The following MACROD2 variants were observed in gnomAD, a reference collection of about 807,000 sequenced individuals.
MACROD2 encodes ADP-ribose glycohydrolase MACROD2.
MACROD2 carries 36 observed loss-of-function variants against 70.4 expected under a neutral mutation model. The observed-to-expected ratio is 0.51, with a 90% CI of 0.39 to 0.68. The LOEUF is 0.68. Among genes scored for constraint, MACROD2 ranks in the 30% least tolerant of loss-of-function variants. MACROD2 has a pLI of 0.00. For synonymous variants in MACROD2, 172 were observed against 178.8 expected, an observed-to-expected ratio of 0.96 and a Z score of 0.30; for missense variants, 496 against 538.4, an observed-to-expected ratio of 0.92 and a Z score of 0.78.
At chr20:15,316,377 A>G (rs949758669) in intron 6 of MACROD2, among the ~76,000 whole-genome samples, 4 of 152,108 alleles carry the variant, frequency 2.6e-5, no homozygotes, top group Non-Finnish European at 5.9e-5. Flanking sequence ...AGTAGTAACC[A>G]AAAGAAAGCC....
At chr20:15,551,771 G>A (rs576741245) in intron 8 of MACROD2, among the ~76,000 whole-genome samples, 3 of 151,614 alleles carry the variant, frequency 2.0e-5, no homozygotes, top group Admixed American at 6.6e-5. Context: ...TGGAGGCTGA[G>A]GCAGGAGGAT....
In MACROD2 at chr20:14,084,417, ACATAT is replaced by A. The variant is rs140266166; in HGVS notation, c.164-1199_164-1195del. Among the ~76,000 whole-genome samples, 1,174 of 152,332 alleles carry A rather than the reference ACATAT, an allele frequency of 7.7e-3. 17 individuals are homozygous for A. Among genetic ancestry groups the A allele is most frequent in the African/African-American group, 0.026 (1,081 of 41,568 alleles). ...GTATCTCCTTGTATGAAAGATTTAC[ACATAT>A]CATACTTTAAAAAGTTTGAGTTTAA... is the stretch of plus-strand genomic sequence containing the variant. On this transcript the variant is annotated intron_variant, in intron 2 of 17. Transcript: ENST00000684519.
intron 3 of MACROD2, among the ~76,000 whole-genome samples, chr20:14,090,100 A>T (rs2054127410): frequency 6.6e-6 from 1 of 152,138 alleles, no homozygotes; most frequent in East Asian, 1.9e-4. Context: ...CCGAAAATTG[A>T]TATTGTTACA....
intron 3 of MACROD2, among the ~76,000 whole-genome samples, chr20:14,413,733 C>T (rs1170747685): frequency 1.3e-5 from 2 of 152,086 alleles, no homozygotes; most frequent in Admixed American, 1.3e-4. Context: ...AAAACAGGAT[C>T]TTTAGAGTTC....
chr20:15,523,834 A>C (rs2047683904), intron 8 of MACROD2, among the ~76,000 whole-genome samples: 1 of 152,112 alleles, frequency 6.6e-6, no homozygotes, highest in Non-Finnish European at 1.5e-5. Context: ...AATAATGGTA[A>C]CTATCATGTT....
intron 5 of MACROD2, among the ~76,000 whole-genome samples, chr20:14,939,809 G>C (rs535944998): frequency 5.1e-4 from 77 of 151,660 alleles, no homozygotes; most frequent in Non-Finnish European, 8.5e-4. Flanking sequence ...TCTTTGTATA[G>C]ATCTTTCACT....
chr20:15,486,823 T>G (rs1238044560), intron 7 of MACROD2, among the ~76,000 whole-genome samples: 1 of 152,194 alleles, frequency 6.6e-6, no homozygotes, highest in East Asian at 1.9e-4. Flanking sequence ...CCAGCAGCAT[T>G]AGTTCTCACT....
intron 5 of MACROD2, among the ~76,000 whole-genome samples, chr20:15,008,817 C>A (rs966023996): frequency 6.6e-6 from 1 of 152,018 alleles, no homozygotes; most frequent in Non-Finnish European, 1.5e-5. Context: ...AAAGAAGTAC[C>A]TATTACTTTT....
intron 6 of MACROD2, among the ~76,000 whole-genome samples, chr20:15,425,098 G>T (rs1412144984): frequency 2.0e-5 from 3 of 152,226 alleles, no homozygotes; most frequent in Non-Finnish European, 4.4e-5. Flanking sequence ...AGAGCCAACA[G>T]TGGGTCAGTC....
rs139991575 is a variant in MACROD2, at chr20:14,541,598, T to TCACACACACA, written c.301+48100_301+48109dup. On this transcript the variant is annotated intron_variant, in intron 4 of 17. Transcript: ENST00000684519. Reference sequence around the variant, plus strand: ...CTAGCACATGTACACACAGCACACATCACACACACACACACACACTATATA... The same window carrying TCACACACACA: ...CTAGCACATGTACACACAGCACACATCACACACACACACACACACACACACACACTATATA... Among the ~76,000 whole-genome samples the TCACACACACA allele has an allele frequency of 8.8e-3, 1,317 of 150,352 alleles. 16 individuals carry two copies. Among genetic ancestry groups the TCACACACACA allele is most frequent in the Middle Eastern group, 0.052 (15 of 290 alleles).
At chr20:15,176,511 C>T (rs894620496) in intron 5 of MACROD2, among the ~76,000 whole-genome samples, 6 of 152,156 alleles carry the variant, frequency 3.9e-5, no homozygotes, top group Non-Finnish European at 7.4e-5. Context: ...GGACTACCAG[C>T]TGCAGGAAGG....
chr20:15,106,057 T>C (rs1473286249), intron 5 of MACROD2, among the ~76,000 whole-genome samples: 3 of 152,178 alleles, frequency 2.0e-5, no homozygotes, highest in Non-Finnish European at 4.4e-5. Flanking sequence ...ATTAAAATTA[T>C]AACACTGCTT....
At chr20:14,388,338 G>T (rs2083490171) in intron 3 of MACROD2, among the ~76,000 whole-genome samples, 1 of 151,906 alleles carries the variant, frequency 6.6e-6, no homozygotes, top group Admixed American at 6.6e-5. Context: ...TATTAATTTG[G>T]AATTTTAAGT....
intron 5 of MACROD2, among the ~76,000 whole-genome samples, chr20:14,913,712 C>T (rs897922463): frequency 3.9e-5 from 6 of 152,068 alleles, no homozygotes; most frequent in African/African-American, 1.4e-4. Flanking sequence ...TAAAAAAATT[C>T]CAAATTCCAT....
chr20:14,335,010 A>T (rs1310178391), intron 3 of MACROD2, among the ~76,000 whole-genome samples: 2 of 152,206 alleles, frequency 1.3e-5, no homozygotes, highest in Admixed American at 6.5e-5. Flanking sequence ...TGGTATGAAC[A>T]TTGGCATATC....
At chr20:14,325,988 A>G in intron 3 of MACROD2, 1 of 1,613,896 alleles carries the variant, frequency 6.2e-7, no homozygotes, top group Non-Finnish European at 8.5e-7. Context: ...GTAGGGTTGT[A>G]CATTCGAAGG....
rs116513788 is a variant in MACROD2 at position 14,913,632 on chromosome 20, T to C, written c.418+228673T>C. On this transcript the variant is annotated intron_variant, in intron 5 of 17. Transcript: ENST00000684519. ...ACCCCAGGAGTTTGAGGCTGTAGTG[T>C]GCTATGATCACATCACTGCATTCTT... 8.0e-3 allele frequency among the ~76,000 whole-genome samples: 1,220 copies of C among 152,212 alleles called. 16 individuals carry two copies. Among genetic ancestry groups the C allele is most frequent in the African/African-American group, 0.028 (1,149 of 41,532 alleles).
At chr20:14,043,990 A>C (rs1363778643) in intron 2 of MACROD2, among the ~76,000 whole-genome samples, 1 of 152,214 alleles carries the variant, frequency 6.6e-6, no homozygotes, top group Non-Finnish European at 1.5e-5. Context: ...CTAGAAAATT[A>C]AATTTACTTT....
chr20:14,846,936 A>G (rs368909915), intron 5 of MACROD2, among the ~76,000 whole-genome samples: 1 of 152,196 alleles, frequency 6.6e-6, no homozygotes, highest in Non-Finnish European at 1.5e-5. Context: ...AAAATTACCC[A>G]TGCTTGATTT....
Sources: gnomAD v4.1 joint callset for allele counts (sites outside exome capture counted in the v4.1 genomes callset) on GRCh38, gnomAD v4.1.1 for gene constraint, MANE v1.5 for transcripts, NCBI Gene and HGNC (gene_info 2026-07-23, HGNC 2026-07-21) for gene names.